RB1: variants seen among roughly 807,000 people sequenced by gnomAD.
The protein encoded by RB1 is retinoblastoma-associated protein.
A neutral mutation model predicts 135.4 loss-of-function variants in RB1; 18 were observed. That is an observed-to-expected ratio of 0.13 (90% CI 0.09 to 0.20). RB1 has a LOEUF of 0.20. RB1 is among the 10% of genes least tolerant of loss of function. The probability of loss-of-function intolerance (pLI) is 1.00; values close to 1 mark genes in which losing one functional copy is unlikely to be tolerated. For missense variants in RB1, 868 were observed against 1,110.0 expected (o/e 0.78, Z 3.10); for synonymous variants, 365 against 373.2 (o/e 0.98, Z 0.25).
At chr13:48,388,125 C>T (rs1459894085) in intron 17 of RB1, among the ~76,000 whole-genome samples, 1 of 152,116 alleles carries the variant, frequency 6.6e-6, no homozygotes. Context: ...GTGCATATCT[C>T]ATGTTAAATT....
intron 17 of RB1, chr13:48,412,014 C>T (rs1235130795): frequency 6.2e-7 from 1 of 1,612,186 alleles, no homozygotes; most frequent in African/African-American, 1.3e-5. Context: ...CACGCCAGTG[C>T]AAACAATCTT....
At chr13:48,428,940 G>C (rs1949103178) in intron 17 of RB1, among the ~76,000 whole-genome samples, 1 of 152,180 alleles carries the variant, frequency 6.6e-6, no homozygotes, top group Non-Finnish European at 1.5e-5. Flanking sequence ...TTACTGAGGG[G>C]TAGAAGTTAA....
chr13:48,420,022 T>G (rs908257916), intron 17 of RB1, among the ~76,000 whole-genome samples: 1 of 152,140 alleles, frequency 6.6e-6, no homozygotes, highest in Non-Finnish European at 1.5e-5. Flanking sequence ...AAGAGAGTCC[T>G]CCTTAACTCA....
intron 2 of RB1, chr13:48,332,981 A>C (rs1952350169): frequency 5.0e-6 from 2 of 398,310 alleles, no homozygotes; most frequent in East Asian, 7.1e-5. Context: ...GCTGTAATAA[A>C]AAGTATGTGA....
At chr13:48,439,996 T>TTATATGTATATG (rs1227342924) in intron 17 of RB1, among the ~76,000 whole-genome samples, 10 of 152,268 alleles carry the variant, frequency 6.6e-5, no homozygotes, top group African/African-American at 2.4e-4. Flanking sequence ...CTAAATATTT[T>TTATATGTATATG]TATATGTATA....
Position 48,380,023 on chromosome 13 carries a change from C to CT in RB1, c.1390-17dup, listed in dbSNP as rs753535084. On this transcript the variant is annotated intron_variant, in intron 14 of 26. Transcript: ENST00000267163. Reference sequence around the variant, plus strand: ...AAATAAGGTTTCAATTAAACAACTTCTTTTTTTTTTTTTAAATTATCTGTT... The same window carrying CT: ...AAATAAGGTTTCAATTAAACAACTTCTTTTTTTTTTTTTTAAATTATCTGTT... 0.041 allele frequency: 30,202 copies of CT among 739,456 alleles called. 149 individuals are homozygous for CT. The highest frequency in any genetic ancestry group is 0.1 in the African/African-American group (4,754 of 47,772). The allele number at this position is 739,456 out of a possible 1,614,324, so 45.8% of individuals were successfully genotyped here. A position where few individuals can be genotyped will look rare whatever the true frequency, so the allele number is the denominator to read the frequency against.
intron 2 of RB1, among the ~76,000 whole-genome samples, chr13:48,310,635 CATT>C (rs1284870766): frequency 6.6e-6 from 1 of 151,896 alleles, no homozygotes; most frequent in Non-Finnish European, 1.5e-5. Flanking sequence ...AAAATTTTAT[CATT>C]GATGTATTTT....
At chr13:48,476,517 A>G in intron 24 of RB1, 184 bp from the exon 25 acceptor site, 1 of 589,214 alleles carries the variant, frequency 1.7e-6, no homozygotes, top group Non-Finnish European at 2.9e-6. Context: ...TTGGGGATGG[A>G]ATTAGGTAGT....
intron 2 of RB1, among the ~76,000 whole-genome samples, chr13:48,322,448 T>A (rs918969605): frequency 6.6e-6 from 1 of 152,246 alleles, no homozygotes; most frequent in Non-Finnish European, 1.5e-5. Flanking sequence ...TAGGATTTTC[T>A]AGATGTAAAA....
intron 2 of RB1, among the ~76,000 whole-genome samples, chr13:48,335,965 AT>A (rs1240683216): frequency 6.6e-6 from 1 of 152,076 alleles, no homozygotes; most frequent in African/African-American, 2.4e-5. Context: ...GAGAAACCCC[AT>A]GAAAAAGTTG....
chr13:48,304,572 C>T (rs973186734), intron 1 of RB1, among the ~76,000 whole-genome samples: 5 of 152,024 alleles, frequency 3.3e-5, no homozygotes, highest in Non-Finnish European at 5.9e-5. Flanking sequence ...AGCGCAGGGT[C>T]CTGAGTGTCC....
chr13:48,389,603 A>AT (rs976477421), intron 17 of RB1: 1 of 152,086 alleles, frequency 6.6e-6, no homozygotes, highest in Non-Finnish European at 1.5e-5. Context: ...TTTGCTTATG[A>AT]TTTTTTGGGT....
intron 17 of RB1, chr13:48,444,406 A>T (rs988285792): frequency 6.6e-6 from 1 of 152,080 alleles, no homozygotes; most frequent in Non-Finnish European, 1.5e-5. Context: ...AGTCCCAGCT[A>T]CTCCAGAGGC....
chr13:48,413,870 G>A (rs774710469), intron 17 of RB1, among the ~76,000 whole-genome samples: 1 of 152,000 alleles, frequency 6.6e-6, no homozygotes, highest in African/African-American at 2.4e-5. Flanking sequence ...ATTGAAATAA[G>A]GTTTAGAGAA....
chr13:48,406,691 T>C (rs1948743102), intron 17 of RB1: 1 of 152,200 alleles, frequency 6.6e-6, no homozygotes, highest in South Asian at 2.1e-4. Context: ...ATCCAAATTC[T>C]CTCCCACAGG....
At chr13:48,339,308 C>T (rs1229267932) in intron 2 of RB1, among the ~76,000 whole-genome samples, 10 of 152,208 alleles carry the variant, frequency 6.6e-5, no homozygotes, top group East Asian at 3.8e-4. Flanking sequence ...CCTTGACCTG[C>T]GGTGGGCTCC....
intron 20 of RB1, among the ~76,000 whole-genome samples, chr13:48,461,147 A>G (rs2138339366): frequency 6.6e-6 from 1 of 152,060 alleles, no homozygotes. Context: ...GAAACTCCAT[A>G]CCCTCAAGCA....
chr13:48,313,981 C>T (rs1481086568), intron 2 of RB1, among the ~76,000 whole-genome samples: 1 of 152,078 alleles, frequency 6.6e-6, no homozygotes, highest in African/African-American at 2.4e-5. Flanking sequence ...GATCTCCTGA[C>T]CTCGTGATCG....
chr13:48,408,349 A>G (rs1043812292), intron 17 of RB1, among the ~76,000 whole-genome samples: 11 of 152,212 alleles, frequency 7.2e-5, no homozygotes, highest in African/African-American at 2.6e-4. Flanking sequence ...AAGTTCAGAA[A>G]TTATTAGGAT....
Sources: allele counts gnomAD v4.1 joint callset (sites outside exome capture counted in the v4.1 genomes callset), GRCh38; gene constraint gnomAD v4.1.1; transcripts MANE v1.5; gene names NCBI Gene and HGNC (gene_info 2026-07-23, HGNC 2026-07-21).